PARD3B: variants seen among roughly 807,000 people sequenced by gnomAD.
PARD3B encodes par-3 family cell polarity regulator beta, also known as partitioning defective 3 homolog B.
In PARD3B, 103 loss-of-function variants were observed where a neutral mutation model predicts 130.2. The observed-to-expected ratio is 0.79, with a 90% CI of 0.67 to 0.93. The LOEUF is 0.93. Ranked by LOEUF, PARD3B falls within the 40% of genes least tolerant of loss-of-function variation. PARD3B has a pLI of 0.00. For missense variants in PARD3B, 1,609 were observed against 1,499.2 expected (o/e 1.07, Z -1.21); for synonymous variants, 583 against 553.2 (o/e 1.05, Z -0.76).
intron 18 of PARD3B, among the ~76,000 whole-genome samples, chr2:205,390,972 G>T (rs2045836977): frequency 6.6e-6 from 1 of 152,062 alleles, no homozygotes; most frequent in South Asian, 2.1e-4. Context: ...TTTCCTTTCT[G>T]GGCAGTTTGC....
chr2:205,473,263 A>G lies in PARD3B; in HGVS notation c.3045-26633A>G, dbSNP rs899412582. 2.0e-5 allele frequency among the ~76,000 whole-genome samples: 3 copies of G among 152,142 alleles called. No individual in the cohort carries two copies. The highest frequency in any genetic ancestry group is 4.4e-5 in the Non-Finnish European group (3 of 67,998). ...AGGGGACTGATTTCATAAATTTAGC[A>G]TATTACGCATTGCAGCATTCTGCCT... On this transcript the variant is annotated intron_variant, in intron 20 of 22. Transcript: ENST00000406610. This position sits in a 1 kb window ranked among gnomAD's most constrained non-coding sequence, Gnocchi z 4.9.
chr2:204,834,638 G>A (rs1292826041), intron 2 of PARD3B, among the ~76,000 whole-genome samples: 2 of 152,164 alleles, frequency 1.3e-5, no homozygotes, highest in Non-Finnish European at 2.9e-5. Flanking sequence ...AGTTGATTAA[G>A]AGGAATACAG....
chr2:205,110,959 T>C lies in PARD3B; in HGVS notation c.594-2532T>C, dbSNP rs186489499. On this transcript the variant is annotated intron_variant, in intron 5 of 22. Transcript: ENST00000406610. ...TTCTCTTCCATGAAGAGTGCATATA[T>C]AGAGATCTCTACAGAGCACAACTCC... Among the ~76,000 whole-genome samples the C allele has an allele frequency of 2.7e-3, 408 of 152,286 alleles. 2 individuals are homozygous for C. The highest frequency in any genetic ancestry group is 0.01 in the Middle Eastern group (3 of 294).
At chr2:204,938,360 G>A (rs770971134) in intron 2 of PARD3B, among the ~76,000 whole-genome samples, 1 of 152,162 alleles carries the variant, frequency 6.6e-6, no homozygotes, top group Admixed American at 6.5e-5. Context: ...GCCTTTGTAA[G>A]CCCTAAAGCC....
Position 205,300,385 on chromosome 2 carries a change from G to T in PARD3B, c.2186-145G>T. 1 of 695,040 alleles carries T rather than the reference G, an allele frequency of 1.4e-6. No individual in the cohort carries two copies. The highest frequency in any genetic ancestry group is 2.5e-6 in the Non-Finnish European group (1 of 401,404). 43.1% of individuals were successfully genotyped at this position (695,040 alleles called of 1,614,324 possible). The stretch of plus-strand genomic sequence containing the variant: ...AACCACTTGTTCAAGGTTACAAAAG[G>T]TGGCAAAGCTGGAGTATAACCCCAA... On this transcript the variant is annotated intron_variant, in intron 16 of 22. Transcript: ENST00000406610. The surrounding 1 kb of genome is among the most constrained non-coding windows in gnomAD (Gnocchi z 4.1).
intron 4 of PARD3B, among the ~76,000 whole-genome samples, chr2:205,098,881 G>A (rs575341443): frequency 1.3e-5 from 2 of 152,292 alleles, no homozygotes; most frequent in African/African-American, 2.4e-5. Context: ...GTGCGGTGAT[G>A]TTTAAATCCA....
intron 15 of PARD3B, among the ~76,000 whole-genome samples, chr2:205,239,857 G>C (rs891422728): frequency 3.9e-5 from 6 of 152,166 alleles, no homozygotes; most frequent in African/African-American, 1.2e-4. Flanking sequence ...TTTTGGGAAA[G>C]CTTGCTAAGA....
chr2:204,928,623 C>T (rs60306738), intron 2 of PARD3B, among the ~76,000 whole-genome samples: 14,597 of 152,090 alleles, frequency 0.096, 1,015 homozygotes, highest in Admixed American at 0.19. Flanking sequence ...TCATCAAAGA[C>T]GTCTTGGTCA....
intron 18 of PARD3B, among the ~76,000 whole-genome samples, chr2:205,368,599 TCC>T (rs1431067345): frequency 2.0e-5 from 3 of 152,082 alleles, no homozygotes; most frequent in Admixed American, 6.6e-5. Context: ...GCCACTGCAC[TCC>T]AGCCTGGGCA....
intron 4 of PARD3B, among the ~76,000 whole-genome samples, chr2:205,053,271 G>A (rs1193313845): frequency 2.0e-5 from 3 of 151,868 alleles, no homozygotes; most frequent in African/African-American, 7.3e-5. Flanking sequence ...CAAATAGCTT[G>A]ATTTCAGGGT....
Position 204,678,898 on chromosome 2 carries a change from A to G in PARD3B, c.121-7283A>G, listed in dbSNP as rs2036687808. Reference sequence around the variant, plus strand: ...CCTCCTGTCGGTATCGCTAACATACAGATCAAGAAATAGAACATTGCCCTA... The same window carrying G: ...CCTCCTGTCGGTATCGCTAACATACGGATCAAGAAATAGAACATTGCCCTA... On this transcript the variant is annotated intron_variant, in intron 1 of 22. Coordinates refer to ENST00000406610, the MANE Select transcript of PARD3B (RefSeq NM_001302769.2). The surrounding 1 kb of genome is among the most constrained non-coding windows in gnomAD (Gnocchi z 4.2). Among the ~76,000 whole-genome samples, 1 of 152,162 alleles carries G rather than the reference A, an allele frequency of 6.6e-6. No homozygotes were observed. The highest frequency in any genetic ancestry group is 1.5e-5 in the Non-Finnish European group (1 of 68,034).
intron 2 of PARD3B, among the ~76,000 whole-genome samples, chr2:204,909,592 C>T (rs2047160941): frequency 6.6e-6 from 1 of 152,104 alleles, no homozygotes. Context: ...TAAAAGTGTT[C>T]TACTTGTCTT....
chr2:204,885,084 C>T (rs1047452956), intron 2 of PARD3B, among the ~76,000 whole-genome samples: 2 of 152,208 alleles, frequency 1.3e-5, no homozygotes, highest in African/African-American at 4.8e-5. Context: ...AACTAATTTA[C>T]ACTCCCATCA....
intron 4 of PARD3B, among the ~76,000 whole-genome samples, chr2:205,102,077 A>T (rs192716426): frequency 6.6e-6 from 1 of 152,340 alleles, no homozygotes; most frequent in Non-Finnish European, 1.5e-5. Flanking sequence ...AATCCTTTAG[A>T]TGACTGTAGC....
rs538716874 is a variant in PARD3B, at chr2:204,893,243, T to G, written c.223-71909T>G. 2.6e-5 allele frequency among the ~76,000 whole-genome samples: 4 copies of G among 152,242 alleles called. No homozygotes were observed. The South Asian group carries it at 6.2e-4, about 24-fold the overall frequency. The stretch of plus-strand genomic sequence containing the variant: ...GGACTCTGAAAAATGGTAATTTGAT[T>G]TGACAAGTTGGAGGTCACTGATCAT... On this transcript the variant is annotated intron_variant, in intron 2 of 22. Coordinates refer to ENST00000406610, the MANE Select transcript of PARD3B (RefSeq NM_001302769.2).
Position 205,589,712 on chromosome 2 carries a change from A to T in PARD3B, c.3261-25744A>T, listed in dbSNP as rs2054317946. On this transcript the variant is annotated intron_variant, in intron 22 of 22. Transcript: ENST00000406610. This position sits in a 1 kb window ranked among gnomAD's most constrained non-coding sequence, Gnocchi z 4.1. ...TGCTAGAGGACTCGAGTTAGGGATG[A>T]TTCACTTTCTCAGAAGTAGACTAAC... 6.6e-6 allele frequency among the ~76,000 whole-genome samples: 1 copy of T among 152,200 alleles called. No homozygotes were observed. Among genetic ancestry groups the T allele is most frequent in the African/African-American group, 2.4e-5 (1 of 41,450 alleles).
chr2:204,649,733 C>T (rs1471958736), intron 1 of PARD3B, among the ~76,000 whole-genome samples: 3 of 152,118 alleles, frequency 2.0e-5, no homozygotes, highest in African/African-American at 7.2e-5. Context: ...TGAAATTGGA[C>T]ACCTTCCTTA....
chr2:204,727,039 T>G (rs2039265444), intron 2 of PARD3B, among the ~76,000 whole-genome samples: 1 of 152,180 alleles, frequency 6.6e-6, no homozygotes, highest in Admixed American at 6.5e-5. Flanking sequence ...TTTCTGACCT[T>G]TGATTCATTG....
rs575198871 is a variant in PARD3B, at chr2:204,982,302, A to G, written c.394+16979A>G. 8.5e-5 allele frequency among the ~76,000 whole-genome samples: 13 copies of G among 152,238 alleles called. 1 individual carries two copies. In the South Asian group the frequency reaches 1.9e-3, roughly 22 times the overall value. On this transcript the variant is annotated intron_variant, in intron 3 of 22. Transcript: ENST00000406610. ...ATTTAGTGCTTATTATTGATGAGGA[A>G]TTTCTTGTAAGATTGCTGTCAGCTG...
Sources: allele counts gnomAD v4.1 joint callset (sites outside exome capture counted in the v4.1 genomes callset), GRCh38; gene constraint gnomAD v4.1.1; non-coding constraint Gnocchi (gnomAD v3.1); transcripts MANE v1.5; gene names NCBI Gene and HGNC (gene_info 2026-07-23, HGNC 2026-07-21).